Variants in ZNF718 observed in about 807,000 individuals in gnomAD.
ZNF718 encodes zinc finger protein 718.
Under a neutral mutation model 2.6 loss-of-function variants are expected in ZNF718, and 3 were observed. The observed-to-expected ratio is 1.16, with a 90% CI of 0.53 to 3.01. ZNF718 has a LOEUF of 3.01. Ranked by LOEUF, ZNF718 falls within the 30% of genes most tolerant of loss-of-function variation. ZNF718 has a pLI of 0.03. For missense variants in ZNF718, 468 were observed against 230.0 expected, an observed-to-expected ratio of 2.03 and a Z score of -6.69; for synonymous variants, 135 against 77.9, an observed-to-expected ratio of 1.73 and a Z score of -3.86.
At chr4:151,818 CACAGAG>C (rs1381892787) in intron 3 of ZNF718, among the ~76,000 whole-genome samples, 8 of 151,268 alleles carry the variant, frequency 5.3e-5, no homozygotes, top group East Asian at 2.0e-4. Context: ...AAGAAAAAGA[CACAGAG>C]ACAAAGTATA....
chr4:186,756 A>G (rs1363328849), intron 3 of ZNF718, among the ~76,000 whole-genome samples: 1 of 152,068 alleles, frequency 6.6e-6, no homozygotes, highest in Non-Finnish European at 1.5e-5. Context: ...TTTCAACTTT[A>G]TCAGGTCATT....
chr4:134,815 G>A (rs1425771323), intron 3 of ZNF718, among the ~76,000 whole-genome samples: 1 of 151,994 alleles, frequency 6.6e-6, no homozygotes, highest in Non-Finnish European at 1.5e-5. Context: ...GCCAGTTCCA[G>A]TGACTCATTT....
rs146264623 is a variant in ZNF718 at position 158,976 on chromosome 4, A to G, written c.227-1936A>G. Among the ~76,000 whole-genome samples, 127 of 139,650 alleles carry G rather than the reference A, an allele frequency of 9.1e-4. 1 individual carries two copies. Among genetic ancestry groups the G allele is most frequent in the Admixed American group, 3.8e-3 (53 of 14,062 alleles). 91.6% of individuals were successfully genotyped at this position (139,650 alleles called of 152,430 possible). A position where few individuals can be genotyped will look rare whatever the true frequency, so the allele number is the denominator to read the frequency against. On this transcript the variant is annotated intron_variant, in intron 3 of 3. Transcript: ENST00000510175. ...CTTGCAAGGTCTTTACTTTTTCTTC[A>G]TTTTTAGGACAGTTTTGCTGGTTAT...
intron 3 of ZNF718, among the ~76,000 whole-genome samples, chr4:139,381 C>T (rs1232339897): frequency 6.6e-6 from 1 of 152,152 alleles, no homozygotes; most frequent in African/African-American, 2.4e-5. Context: ...AAGAGACTCC[C>T]CCATTATATT....
At chr4:129,531 A>C (rs1184563076) in intron 1 of ZNF718, among the ~76,000 whole-genome samples, 2,540 of 104,130 alleles carry the variant, frequency 0.024, 805 homozygotes, top group African/African-American at 0.079. Context: ...TGATACCCAA[A>C]AGCAGATAAA....
intron 3 of ZNF718, among the ~76,000 whole-genome samples, chr4:156,151 GTATGTT>G (rs1553813625): frequency 6.6e-6 from 1 of 152,084 alleles, no homozygotes; most frequent in African/African-American, 2.4e-5. Context: ...CCATCTTTGG[GTATGTT>G]TATCAGCAGT....
rs548769031 is a variant in ZNF718 at position 162,211 on chromosome 4, T to C, written c.*89T>C. 23 of 584,324 alleles carry C rather than the reference T, an allele frequency of 3.9e-5. No individual in the cohort carries two copies. Among genetic ancestry groups the C allele is most frequent in the African/African-American group, 3.5e-4 (19 of 53,906 alleles). The allele number at this position is 584,324 out of a possible 1,614,324, so 36.2% of individuals were successfully genotyped here. Reference sequence around the variant, plus strand: ...GAGAGAAACTCTACACATGAAAAAATTGACAAAGCTTTTAACCGCAACTCA... The same window carrying C: ...GAGAGAAACTCTACACATGAAAAAACTGACAAAGCTTTTAACCGCAACTCA... On this transcript the variant is annotated 3_prime_UTR_variant, in exon 4 of 4. Transcript: ENST00000510175.
At chr4:169,915 A>G (rs201472453) in intron 3 of ZNF718, among the ~76,000 whole-genome samples, 29,033 of 150,170 alleles carry the variant, frequency 0.19, 3,057 homozygotes, top group Admixed American at 0.26. Context: ...TATTTTGCTC[A>G]TCAGTTGATG....
intron 3 of ZNF718, among the ~76,000 whole-genome samples, chr4:147,457 A>G (rs1171920138): frequency 6.6e-6 from 1 of 152,190 alleles, no homozygotes; most frequent in East Asian, 1.9e-4. Flanking sequence ...CATTGGAGCC[A>G]GGTCATGTAA....
At chr4:145,493 C>A (rs1267807443) in intron 3 of ZNF718, among the ~76,000 whole-genome samples, 1 of 152,110 alleles carries the variant, frequency 6.6e-6, no homozygotes, top group African/African-American at 2.4e-5. Context: ...CAGATAGGGT[C>A]TTCCTTTGTT....
At chr4:159,181 C>A (rs1229440840) in intron 3 of ZNF718, among the ~76,000 whole-genome samples, 5 of 151,676 alleles carry the variant, frequency 3.3e-5, no homozygotes, top group Non-Finnish European at 5.9e-5. Context: ...GGACTACAGG[C>A]ATGTGCACCA....
intron 3 of ZNF718, among the ~76,000 whole-genome samples, chr4:153,879 G>A (rs1453603657): frequency 6.6e-6 from 1 of 152,146 alleles, no homozygotes; most frequent in African/African-American, 2.4e-5. Context: ...ACAAGACAAG[G>A]ATGTTATTTG....
At chr4:131,223 C>T (rs1285861734) in intron 2 of ZNF718, among the ~76,000 whole-genome samples, 187 bp from the exon 3 acceptor site, 1 of 103,734 alleles carries the variant, frequency 9.6e-6, no homozygotes. Flanking sequence ...CAGTAGTACT[C>T]GGTAGTGGAA....
Position 124,547 on chromosome 4 carries a change from C to G in ZNF718, c.-124C>G. On this transcript the variant is annotated 5_prime_UTR_variant, in exon 1 of 4. Transcript: ENST00000510175. ...CCAGAGCTCGGTTAGGGCCTCATCG[C>G]TCTGCTCCCGCTCCTTAGGGAAGCC... is the stretch of plus-strand genomic sequence containing the variant. 4 of 1,420,384 alleles carry G rather than the reference C, an allele frequency of 2.8e-6. No homozygotes were observed. In the South Asian group the frequency reaches 3.4e-5, roughly 12 times the overall value. 88.0% of individuals were successfully genotyped at this position (1,420,384 alleles called of 1,614,324 possible).
chr4:135,733 T>TAC, intron 3 of ZNF718, among the ~76,000 whole-genome samples: 1 of 94,670 alleles, frequency 1.1e-5, no homozygotes, highest in Non-Finnish European at 2.0e-5. Context: ...ACTCTAGAGT[T>TAC]ATATATATGT....
chr4:189,860 TTTAAG>T (rs1172717705), intron 3 of ZNF718, among the ~76,000 whole-genome samples: 4 of 152,222 alleles, frequency 2.6e-5, no homozygotes, highest in African/African-American at 9.6e-5. Flanking sequence ...TTTGCATCTA[TTTAAG>T]TTGTCACTTT....
rs782156411 is a variant in ZNF718 at position 161,193 on chromosome 4, AC to A, written c.510del (p.Phe171LeufsTer16). On this transcript the variant is annotated frameshift_variant, in exon 4 of 4. Coordinates refer to ENST00000510175, the MANE Select transcript of ZNF718 (RefSeq NM_001039127.6). LOFTEE classifies it low-confidence loss of function (END_TRUNC). ...TAAGATAAGATATACTGGAGATAAA[AC>A]CTTTAAATGTAAAGAATGTGGCAAA... ...KDKIRYTGDK[T>X]FKCKECGKSF... The A allele has an allele frequency of 1.2e-5, 9 of 770,360 alleles. No homozygotes were observed. Among genetic ancestry groups the A allele is most frequent in the African/African-American group, 1.0e-4 (6 of 58,442 alleles). The allele number at this position is 770,360 out of a possible 1,614,324, so 47.7% of individuals were successfully genotyped here.
intron 3 of ZNF718, among the ~76,000 whole-genome samples, chr4:196,826 C>T (rs1230590326): frequency 6.6e-6 from 1 of 151,960 alleles, no homozygotes; most frequent in Non-Finnish European, 1.5e-5. Flanking sequence ...CTGGCAGCCA[C>T]GCTAATCATT....
At chr4:183,625 T>C (rs58344931) in intron 3 of ZNF718, among the ~76,000 whole-genome samples, 35,714 of 152,100 alleles carry the variant, frequency 0.23, 4,509 homozygotes, top group Non-Finnish European at 0.29. Context: ...ATATTGATTC[T>C]TCCTAGGTAT....
Sources: allele counts gnomAD v4.1 joint callset (sites outside exome capture counted in the v4.1 genomes callset), GRCh38; gene constraint gnomAD v4.1.1; transcripts MANE v1.5; gene names NCBI Gene and HGNC (gene_info 2026-07-23, HGNC 2026-07-21).